Variants in POLR1B observed in about 807,000 individuals in gnomAD.
POLR1B encodes the protein DNA-directed RNA polymerase I subunit RPA2.
POLR1B carries 30 observed loss-of-function variants against 105.8 expected under a neutral mutation model. The ratio of observed to expected loss-of-function variants is 0.28; its 90% CI spans 0.21 to 0.38. POLR1B has a LOEUF of 0.38. Ranked by LOEUF, POLR1B falls within the 10% of genes least tolerant of loss-of-function variation. The pLI, the probability that POLR1B is intolerant of heterozygous loss-of-function variation, is 1.00. For synonymous variants in POLR1B, 485 were observed against 505.1 expected (o/e 0.96, Z 0.53); for missense variants, 976 against 1,435.8 (o/e 0.68, Z 5.17).
At chr2:112,568,960 C>T (rs1684449285) in intron 12 of POLR1B, 58 bp downstream of exon 12, 1 of 1,505,598 alleles carries the variant, frequency 6.6e-7, no homozygotes, top group East Asian at 2.3e-5. Flanking sequence ...GATACTAGCA[C>T]ACTCTTTTAT....
At chr2:112,544,675 G>C (rs891353535) in intron 1 of POLR1B, among the ~76,000 whole-genome samples, 3 of 151,972 alleles carry the variant, frequency 2.0e-5, no homozygotes, top group African/African-American at 7.3e-5. Flanking sequence ...AACTTAGCTA[G>C]GACTATAATA....
chr2:112,573,699 T>G lies in POLR1B; in HGVS notation c.2409T>G (p.Val803=). Residue 803 remains valine, a synonymous_variant, in exon 14 of 15, where the codon GTT becomes GTG. Transcript: ENST00000263331. ...GCATCAAACCTGGTGACCCACGCGT[T>G]CTGCAGAAGTTAGATGACGATGGAT... is the stretch of plus-strand genomic sequence containing the variant. ...VFGIKPGDPR[V]LQKLDDDGLP... is the part of the protein sequence containing the mutation. The G allele has an allele frequency of 6.2e-7, 1 of 1,614,196 alleles. No individual in the cohort carries two copies. Among genetic ancestry groups the G allele is most frequent in the Non-Finnish European group, 8.5e-7 (1 of 1,180,036 alleles).
rs769347514 is a variant in POLR1B at position 112,547,378 on chromosome 2, C to A, written c.346-43C>A. On this transcript the variant is annotated intron_variant, in intron 2 of 14. Coordinates refer to ENST00000263331, the MANE Select transcript of POLR1B (RefSeq NM_019014.6). ...AAATACTCATTTGTTCTCGTAAATG[C>A]AGATATTTCTGTTAAGTAACTTTTT... The A allele has an allele frequency of 3.2e-6, 5 of 1,586,240 alleles. No individual in the cohort carries two copies. The African/African-American group carries it at 6.8e-5, about 21-fold the overall frequency.
chr2:112,543,956 A>G (rs1308484397), intron 1 of POLR1B, among the ~76,000 whole-genome samples: 1 of 151,234 alleles, frequency 6.6e-6, no homozygotes, highest in Non-Finnish European at 1.5e-5. Flanking sequence ...GGTGGTGCGC[A>G]CCCAAGTAGC....
intron 7 of POLR1B, among the ~76,000 whole-genome samples, chr2:112,556,649 G>C (rs1558657918): frequency 6.6e-6 from 1 of 152,238 alleles, no homozygotes; most frequent in East Asian, 1.9e-4. Context: ...GTTGACTCAG[G>C]GGCCTGCTGG....
chr2:112,542,849 G>C, intron 1 of POLR1B, 178 bp downstream of exon 1: 1 of 712,138 alleles, frequency 1.4e-6, no homozygotes, highest in Non-Finnish European at 2.3e-6. Flanking sequence ...GAGACTTGGA[G>C]TCGAGGCGTC....
At chr2:112,554,861 G>C (rs1683566592) in intron 7 of POLR1B, among the ~76,000 whole-genome samples, 1 of 152,030 alleles carries the variant, frequency 6.6e-6, no homozygotes, top group African/African-American at 2.4e-5. Context: ...GGACAGCACA[G>C]AGAGATCGCT....
chr2:112,567,867 G>A, intron 10 of POLR1B, 100 bp from the exon 11 acceptor site: 2 of 1,004,738 alleles, frequency 2.0e-6, no homozygotes, highest in Non-Finnish European at 3.0e-6. Context: ...CTTTTACCAT[G>A]GCTGAGTGTG....
intron 13 of POLR1B, 51 bp downstream of exon 13, chr2:112,572,809 T>C (rs1684661207): frequency 6.9e-7 from 1 of 1,444,534 alleles, no homozygotes; most frequent in Non-Finnish European, 9.4e-7. Context: ...TTTAACTTGT[T>C]TGTTTACTGT....
In POLR1B at chr2:112,575,561, G is replaced by A; in HGVS notation, c.3240G>A (p.Leu1080=). Reference sequence around the variant, plus strand: ...AGTGTGGCAGTTTACTCTCTCCACTGTTGGAGAAGCCACCCCCTTCTTGGT... The same window carrying A: ...AGTGTGGCAGTTTACTCTCTCCACTATTGGAGAAGCCACCCCCTTCTTGGT... The part of the protein sequence containing the change: ...CVKCGSLLSP[L]LEKPPPSWSA... Residue 1080 remains leucine, a synonymous_variant, in exon 15 of 15, where the codon CTG becomes CTA. Coordinates refer to ENST00000263331, the MANE Select transcript of POLR1B (RefSeq NM_019014.6). This position sits in a 1 kb window ranked among gnomAD's most constrained non-coding sequence, Gnocchi z 5.3. 1 of 1,614,194 alleles carries A rather than the reference G, an allele frequency of 6.2e-7. No homozygotes were observed. The highest frequency in any genetic ancestry group is 8.5e-7 in the Non-Finnish European group (1 of 1,180,040).
intron 1 of POLR1B, among the ~76,000 whole-genome samples, chr2:112,546,623 G>A (rs911862773): frequency 4.3e-4 from 52 of 122,154 alleles, no homozygotes; most frequent in African/African-American, 1.4e-3. Context: ...GTGCAGTGGC[G>A]TGATCTCTGC....
At chr2:112,573,505 T>C in intron 13 of POLR1B, 57 bp from the exon 14 acceptor site, 1 of 1,556,582 alleles carries the variant, frequency 6.4e-7, no homozygotes, top group Middle Eastern at 1.7e-4. Context: ...CCCACCTAGT[T>C]TTATTTTGAA....
In POLR1B at chr2:112,572,624, C is replaced by T. The variant is rs770019612; in HGVS notation, c.2137C>T (p.Arg713Cys). ...YQDRSDNKLY[R>C]LQTPQSPLVR... ...AGACCGATCGGATAACAAACTGTAT[C>T]GTCTTCAGACTCCTCAGAGTCCCTT... is the stretch of plus-strand genomic sequence containing the variant. Residue 713 changes from arginine to cysteine, a missense_variant, in exon 13 of 15, where the codon CGT (arginine) becomes TGT (cysteine). Physicochemically the swap from Arg to Cys is radical, Grantham distance 180. This residue lies in a region of POLR1B where 46 missense variants were observed against 66.8 expected (regional missense o/e 0.69). Coordinates refer to ENST00000263331, the MANE Select transcript of POLR1B (RefSeq NM_019014.6). 2.5e-6 allele frequency: 4 copies of T among 1,612,352 alleles called. No individual in the cohort carries two copies. Among genetic ancestry groups the T allele is most frequent in the Admixed American group, 3.4e-5 (2 of 59,692 alleles).
chr2:112,548,246 T>G (rs1228573887), intron 3 of POLR1B: 1 of 152,216 alleles, frequency 6.6e-6, no homozygotes, highest in Non-Finnish European at 1.5e-5. Context: ...AAGAGGGTTT[T>G]GGTGTCAGAT....
chr2:112,564,541 AG>A (rs1202882305), intron 10 of POLR1B, 42 bp downstream of exon 10: 2 of 1,612,664 alleles, frequency 1.2e-6, no homozygotes, highest in African/African-American at 1.3e-5. Context: ...CCTTGACCTT[AG>A]GTTTTTCAGT....
intron 9 of POLR1B, among the ~76,000 whole-genome samples, chr2:112,564,162 C>G (rs1279286451): frequency 1.3e-5 from 2 of 152,112 alleles, no homozygotes; most frequent in African/African-American, 2.4e-5. Flanking sequence ...ACAAAGGGAA[C>G]ACTTGTCGTT....
intron 10 of POLR1B, among the ~76,000 whole-genome samples, chr2:112,567,672 G>A (rs1574128584): frequency 1.3e-5 from 2 of 151,904 alleles, no homozygotes; most frequent in Admixed American, 6.6e-5. Context: ...AGCCACCCCC[G>A]GCCCACCCAT....
At position 112,551,819 on chromosome 2, in the gene POLR1B, C is replaced by G. The variant is rs753655584; in HGVS notation, c.807C>G (p.Ile269Met). The G allele has an allele frequency of 3.7e-6, 6 of 1,614,112 alleles. No homozygotes were observed. Residue 269 changes from isoleucine (I) to methionine (M), a missense_variant, in exon 6 of 15, where the codon ATC (isoleucine) becomes ATG (methionine). Physicochemically the swap from Ile to Met is conservative, Grantham distance 10. This residue lies in a region of POLR1B where 452 missense variants were observed against 616.5 expected (regional missense o/e 0.73). Transcript: ENST00000263331. Reference protein sequence around the residue: ...FSDYQIFQELIKGKEDDSFLR... With the variant: ...FSDYQIFQELMKGKEDDSFLR... Reference sequence around the variant, plus strand: ...ATTATCAGATCTTTCAGGAGCTCATCAAAGGAAAAGAGGATGATTCTTTCC... The same window carrying G: ...ATTATCAGATCTTTCAGGAGCTCATGAAAGGAAAAGAGGATGATTCTTTCC...
Position 112,579,293 on chromosome 2 carries a change from A to G in POLR1B, c.*3564A>G, listed in dbSNP as rs556956121. Among the ~76,000 whole-genome samples the G allele has an allele frequency of 5.8e-4, 88 of 151,632 alleles. No individual in the cohort carries two copies. The highest frequency in any genetic ancestry group is 9.9e-4 in the Non-Finnish European group (67 of 67,890). On this transcript the variant is annotated 3_prime_UTR_variant, in exon 15 of 15. Transcript: ENST00000263331. ...CTACTATACAGGTTATTGTGTAAAC[A>G]TAAGTTTCATTTCCCTGGGACAAGT...
Sources: allele counts gnomAD v4.1 joint callset (sites outside exome capture counted in the v4.1 genomes callset), GRCh38; gene constraint gnomAD v4.1.1; regional missense constraint gnomAD v4.1.1; non-coding constraint Gnocchi (gnomAD v3.1); transcripts MANE v1.5; gene names NCBI Gene and HGNC (gene_info 2026-07-23, HGNC 2026-07-21).